Variants in LSAMP observed in about 807,000 individuals in gnomAD.
The protein encoded by LSAMP is limbic system-associated membrane protein.
LSAMP carries 7 observed loss-of-function variants against 38.6 expected under a neutral mutation model. That is an observed-to-expected ratio of 0.18 (90% CI 0.10 to 0.34). The LOEUF is 0.34. LSAMP is among the 10% of genes least tolerant of loss of function. LSAMP has a pLI of 1.00. For synonymous variants in LSAMP, 154 were observed against 166.8 expected, an observed-to-expected ratio of 0.92 and a Z score of 0.59; for missense variants, 313 against 420.0, an observed-to-expected ratio of 0.75 and a Z score of 2.23.
At chr3:115,914,004 G>C (rs1351472743) in intron 3 of LSAMP, among the ~76,000 whole-genome samples, 1 of 152,040 alleles carries the variant, frequency 6.6e-6, no homozygotes, top group African/African-American at 2.4e-5. Flanking sequence ...AAGATAAAAA[G>C]AAAAGAAGGA....
intron 1 of LSAMP, among the ~76,000 whole-genome samples, chr3:116,157,896 C>T (rs1223327031): frequency 6.6e-6 from 1 of 151,830 alleles, no homozygotes; most frequent in East Asian, 1.9e-4. Flanking sequence ...GGCAGAGACA[C>T]AATAAAAAAA....
Position 115,852,525 on chromosome 3 carries a change from C to A in LSAMP, c.607G>T (p.Val203Phe). The change falls in exon 4 of 7, where the codon GTC becomes TTC. Residue 203 changes from valine to phenylalanine, a missense_variant. By Grantham distance (50) the Val-to-Phe change is conservative. Transcript: ENST00000490035. The stretch of plus-strand genomic sequence containing the variant: ...ACTTGTTTGACATCCGCCGAGGAGA[C>A]CTCGTTGGCAGCTTTGCACTCATAT... ...GKYECKAANE[V>F]SSADVKQVKV... 1 of 1,613,754 alleles carries A rather than the reference C, an allele frequency of 6.2e-7. No homozygotes were observed. The highest frequency in any genetic ancestry group is 8.5e-7 in the Non-Finnish European group (1 of 1,179,838).
At chr3:116,109,354 T>C (rs913705370) in intron 1 of LSAMP, among the ~76,000 whole-genome samples, 53 of 151,996 alleles carry the variant, frequency 3.5e-4, no homozygotes, top group Middle Eastern at 3.4e-3. Flanking sequence ...GGACCTAGCT[T>C]GGCCTGGCGA....
intron 1 of LSAMP, among the ~76,000 whole-genome samples, chr3:116,219,792 A>C (rs1389692766): frequency 6.6e-6 from 1 of 152,208 alleles, no homozygotes; most frequent in Non-Finnish European, 1.5e-5. Flanking sequence ...TAATATTACA[A>C]ATAAGCTAGG....
At chr3:115,881,990 T>TG (rs1936335140) in intron 3 of LSAMP, among the ~76,000 whole-genome samples, 1 of 152,128 alleles carries the variant, frequency 6.6e-6, no homozygotes, top group Non-Finnish European at 1.5e-5. Context: ...ACAATTTCCC[T>TG]GCTCCCAAGT....
At chr3:116,085,463 T>C (rs187717654) in intron 2 of LSAMP, among the ~76,000 whole-genome samples, 1 of 152,356 alleles carries the variant, frequency 6.6e-6, no homozygotes, top group East Asian at 1.9e-4. Context: ...TAATTTGCAT[T>C]AAATTTACAT....
At chr3:115,851,185 G>T (rs1293803563) in intron 4 of LSAMP, among the ~76,000 whole-genome samples, 2 of 152,124 alleles carry the variant, frequency 1.3e-5, no homozygotes, top group African/African-American at 4.8e-5. Context: ...TGTTGGCCAG[G>T]CTTGTCTCGA....
chr3:115,906,890 G>A (rs1441081703), intron 3 of LSAMP, among the ~76,000 whole-genome samples: 2 of 152,168 alleles, frequency 1.3e-5, no homozygotes, highest in East Asian at 3.8e-4. Flanking sequence ...TTCAGAGAAT[G>A]AGAAGTATAA....
rs1933552898 is a variant in LSAMP at position 115,803,126 on chromosome 3, A to G, written c.*7191T>C. 6.6e-6 allele frequency: 1 copy of G among 152,204 alleles called. No individual in the cohort carries two copies. Among genetic ancestry groups the G allele is most frequent in the African/African-American group, 2.4e-5 (1 of 41,446 alleles). 9.4% of individuals were successfully genotyped at this position (152,204 alleles called of 1,614,324 possible). ...GCTTTACATAGGGAGGATTGTGCAG[A>G]GTAGAATGTGGCTGTAGAAGTAGAT... On this transcript the variant is annotated 3_prime_UTR_variant, in exon 7 of 7. Coordinates refer to ENST00000490035, the MANE Select transcript of LSAMP (RefSeq NM_002338.5).
intron 1 of LSAMP, among the ~76,000 whole-genome samples, chr3:116,284,684 A>G (rs2047171224): frequency 2.0e-5 from 3 of 152,212 alleles, no homozygotes; most frequent in Non-Finnish European, 4.4e-5. Context: ...GATGGCTGTC[A>G]TCCTGCTGTA....
At chr3:116,352,235 T>A (rs889655831) in intron 1 of LSAMP, among the ~76,000 whole-genome samples, 3 of 152,210 alleles carry the variant, frequency 2.0e-5, no homozygotes, top group Non-Finnish European at 2.9e-5. Flanking sequence ...GAATACCTGA[T>A]CATCATTGAT....
chr3:116,200,647 G>C (rs2045975554), intron 1 of LSAMP, among the ~76,000 whole-genome samples: 1 of 152,144 alleles, frequency 6.6e-6, no homozygotes, highest in Non-Finnish European at 1.5e-5. Context: ...CAGCGAGCTT[G>C]GTTCAGTGAT....
intron 1 of LSAMP, among the ~76,000 whole-genome samples, chr3:116,217,671 A>T (rs1446750291): frequency 6.6e-6 from 1 of 152,210 alleles, no homozygotes; most frequent in Admixed American, 6.5e-5. Context: ...TATTTATTTC[A>T]CACAAAGGTT....
At chr3:115,877,585 G>A (rs1422849837) in intron 3 of LSAMP, among the ~76,000 whole-genome samples, 2 of 139,442 alleles carry the variant, frequency 1.4e-5, no homozygotes, top group Non-Finnish European at 3.0e-5. Flanking sequence ...GGCCCAGAGT[G>A]TAGTATTTTG....
intron 2 of LSAMP, among the ~76,000 whole-genome samples, chr3:116,035,476 G>C (rs1941026092): frequency 6.6e-6 from 1 of 152,056 alleles, no homozygotes; most frequent in Admixed American, 6.6e-5. Context: ...AAAGGGGGTG[G>C]GGAAATGAGT....
chr3:115,982,931 C>CTTTTTTT (rs11386123), intron 3 of LSAMP, among the ~76,000 whole-genome samples: 2 of 136,278 alleles, frequency 1.5e-5, no homozygotes, highest in African/African-American at 2.7e-5. Context: ...CCTATGGAGA[C>CTTTTTTT]TTTTTTTTTT....
chr3:115,817,909 C>T (rs1023147251), intron 6 of LSAMP, among the ~76,000 whole-genome samples: 3 of 152,162 alleles, frequency 2.0e-5, no homozygotes, highest in Non-Finnish European at 4.4e-5. Flanking sequence ...ATTAAACATA[C>T]TGCCACTTGT....
At chr3:116,305,547 G>A (rs80182498) in intron 1 of LSAMP, among the ~76,000 whole-genome samples, 3,948 of 147,166 alleles carry the variant, frequency 0.027, 152 homozygotes, top group African/African-American at 0.092. Flanking sequence ...CAGCTTGCAC[G>A]AAAAAAAAAT....
chr3:115,857,785 A>C (rs1323588698), intron 3 of LSAMP, among the ~76,000 whole-genome samples: 2 of 152,202 alleles, frequency 1.3e-5, no homozygotes, highest in Non-Finnish European at 2.9e-5. Flanking sequence ...CTGTTTACTC[A>C]AGTTGTACAT....
Sources: gnomAD v4.1 joint callset for allele counts (sites outside exome capture counted in the v4.1 genomes callset) on GRCh38, gnomAD v4.1.1 for gene constraint, MANE v1.5 for transcripts, NCBI Gene and HGNC (gene_info 2026-07-23, HGNC 2026-07-21) for gene names.